GRB14: variants seen among roughly 807,000 people sequenced by gnomAD.
GRB14 encodes growth factor receptor-bound protein 14.
Under a neutral mutation model 69.1 loss-of-function variants are expected in GRB14, and 38 were observed. The observed-to-expected ratio is 0.55, with a 90% CI of 0.42 to 0.72. The LOEUF is 0.72. Among genes scored for constraint, GRB14 ranks in the 30% least tolerant of loss-of-function variants. The pLI is 0.00. For missense variants in GRB14, 666 were observed against 666.1 expected (o/e 1.00, Z 0.00); for synonymous variants, 247 against 241.3 (o/e 1.02, Z -0.22).
intron 2 of GRB14, among the ~76,000 whole-genome samples, chr2:164,619,349 C>G (rs1690384040): frequency 6.6e-6 from 1 of 152,150 alleles, no homozygotes; most frequent in African/African-American, 2.4e-5. Context: ...TACTGCCCAC[C>G]CCGTCCCAGC....
intron 2 of GRB14, among the ~76,000 whole-genome samples, chr2:164,595,090 G>A (rs556856033): frequency 6.6e-6 from 1 of 152,162 alleles, no homozygotes; most frequent in Non-Finnish European, 1.5e-5. Context: ...AAGAAAACAT[G>A]TGTTTATTAG....
chr2:164,519,508 G>A (rs1574264742), intron 6 of GRB14, among the ~76,000 whole-genome samples: 2 of 152,064 alleles, frequency 1.3e-5, no homozygotes, highest in Admixed American at 6.6e-5. Context: ...GTCCTAGCCA[G>A]AGCAATCAGA....
chr2:164,525,129 T>C, intron 4 of GRB14, 51 bp from the exon 5 acceptor site: 1 of 1,202,664 alleles, frequency 8.3e-7, no homozygotes, highest in Non-Finnish European at 1.2e-6. Flanking sequence ...TAGAAAAGAT[T>C]CAATTATGAC....
intron 2 of GRB14, chr2:164,573,770 T>G: frequency 6.2e-7 from 1 of 1,611,996 alleles, no homozygotes; most frequent in Non-Finnish European, 8.5e-7. Flanking sequence ...TGAGACTTTC[T>G]GTCGCATCCA....
chr2:164,582,001 T>C, intron 2 of GRB14, among the ~76,000 whole-genome samples: 1 of 152,246 alleles, frequency 6.6e-6, no homozygotes, highest in South Asian at 2.1e-4. Flanking sequence ...TGACTCTCTT[T>C]TGTCCAGCTT....
intron 3 of GRB14, among the ~76,000 whole-genome samples, chr2:164,537,772 C>A (rs1013643741): frequency 2.0e-5 from 3 of 152,114 alleles, no homozygotes; most frequent in Admixed American, 6.5e-5. Context: ...TGCCCATTTC[C>A]GGTCTGTGCG....
At chr2:164,538,024 G>A (rs1688125398) in intron 3 of GRB14, among the ~76,000 whole-genome samples, 1 of 151,974 alleles carries the variant, frequency 6.6e-6, no homozygotes, top group Non-Finnish European at 1.5e-5. Context: ...GAGCGAAGGA[G>A]CAGCTTCCAA....
chr2:164,581,315 T>C (rs1214821758), intron 2 of GRB14, among the ~76,000 whole-genome samples: 1 of 152,182 alleles, frequency 6.6e-6, no homozygotes, highest in African/African-American at 2.4e-5. Flanking sequence ...CATGTGATTA[T>C]GTTAATGGTC....
chr2:164,565,264 T>G (rs571698533), intron 2 of GRB14, among the ~76,000 whole-genome samples: 13 of 127,294 alleles, frequency 1.0e-4, no homozygotes, highest in Non-Finnish European at 1.5e-4. Flanking sequence ...ATAAACTGTC[T>G]TTCTATCACA....
At chr2:164,606,386 T>C (rs1195929998) in intron 2 of GRB14, among the ~76,000 whole-genome samples, 2 of 152,242 alleles carry the variant, frequency 1.3e-5, no homozygotes, top group Admixed American at 6.5e-5. Context: ...TTTAAAAGTA[T>C]GTTTCAGATA....
intron 6 of GRB14, among the ~76,000 whole-genome samples, chr2:164,514,502 G>A (rs1457080890): frequency 6.6e-6 from 1 of 152,128 alleles, no homozygotes; most frequent in Non-Finnish European, 1.5e-5. Flanking sequence ...ATTTAGAGTT[G>A]AGTGAAATAC....
chr2:164,508,701 G>A, intron 7 of GRB14, 41 bp downstream of exon 7: 2 of 1,500,994 alleles, frequency 1.3e-6, no homozygotes, highest in Non-Finnish European at 9.1e-7. Flanking sequence ...CTAAAAGGCT[G>A]AGGCTTGCTT....
rs145907975 is a variant in GRB14, at chr2:164,530,273, T to C, written c.482-3138A>G. 3.0e-4 allele frequency among the ~76,000 whole-genome samples: 45 copies of C among 152,182 alleles called. No individual in the cohort carries two copies. The East Asian group carries it at 8.4e-3, about 28-fold the overall frequency. ...ACAGCAATAGACATGCCAGGCTTTT[T>C]TGAACAACCAGCTTTTGTGTGAACA... On this transcript the variant is annotated intron_variant, in intron 3 of 13. Coordinates refer to ENST00000263915, the MANE Select transcript of GRB14 (RefSeq NM_004490.3).
At chr2:164,615,555 C>G (rs183584209) in intron 2 of GRB14, among the ~76,000 whole-genome samples, 8 of 152,266 alleles carry the variant, frequency 5.3e-5, no homozygotes, top group Admixed American at 6.5e-5. Context: ...AAGGGACTGT[C>G]AAAGCCTCAA....
At position 164,543,909 on chromosome 2, in the gene GRB14, A is replaced by T. The variant is rs1236620960; in HGVS notation, c.481+3751T>A. Among the ~76,000 whole-genome samples, 3 of 152,202 alleles carry T rather than the reference A, an allele frequency of 2.0e-5. No individual in the cohort carries two copies. The East Asian group carries it at 5.8e-4, about 29-fold the overall frequency. On this transcript the variant is annotated intron_variant, in intron 3 of 13. Transcript: ENST00000263915. Reference sequence around the variant, plus strand: ...GGAAGATGACAGTACCTCAATAGTGATTACTCTCCTCTTACATCGGTAAAG... The same window carrying T: ...GGAAGATGACAGTACCTCAATAGTGTTTACTCTCCTCTTACATCGGTAAAG...
chr2:164,535,640 A>G (rs1374129273), intron 3 of GRB14, among the ~76,000 whole-genome samples: 2 of 152,244 alleles, frequency 1.3e-5, no homozygotes, highest in Admixed American at 1.3e-4. Flanking sequence ...CATTTTGTCA[A>G]TCTTATTTTC....
chr2:164,511,796 C>A (rs903983913), intron 6 of GRB14, among the ~76,000 whole-genome samples: 6 of 152,084 alleles, frequency 3.9e-5, no homozygotes, highest in African/African-American at 1.4e-4. Context: ...GATGCTAGCT[C>A]GGCCACAGAT....
chr2:164,568,505 C>A, intron 2 of GRB14: 1 of 1,109,148 alleles, frequency 9.0e-7, no homozygotes, highest in Non-Finnish European at 1.1e-6. Flanking sequence ...TAAATGTCAC[C>A]CTGCTTATGT....
chr2:164,576,824 TGA>T (rs1491182147), intron 2 of GRB14, among the ~76,000 whole-genome samples: 2 of 113,392 alleles, frequency 1.8e-5, no homozygotes, highest in Non-Finnish European at 4.3e-5. Context: ...AATTAAAACT[TGA>T]AAAAAAAAGG....
Sources: allele counts gnomAD v4.1 joint callset (sites outside exome capture counted in the v4.1 genomes callset), GRCh38; gene constraint gnomAD v4.1.1; transcripts MANE v1.5; gene names NCBI Gene and HGNC (gene_info 2026-07-23, HGNC 2026-07-21).